UNC13C: variants seen among roughly 807,000 people sequenced by gnomAD.
UNC13C encodes the protein unc-13 homolog C, also known as protein unc-13 homolog C.
UNC13C carries 174 observed loss-of-function variants against 245.4 expected under a neutral mutation model. The observed-to-expected ratio is 0.71, with a 90% CI of 0.63 to 0.80. The LOEUF (loss-of-function observed/expected upper bound fraction) is 0.80. Ranked by LOEUF, UNC13C falls within the 30% of genes least tolerant of loss-of-function variation. UNC13C has a pLI of 0.00. For synonymous variants in UNC13C, 992 were observed against 895.1 expected (o/e 1.11, Z -1.93); for missense variants, 2,829 against 2,602.9 (o/e 1.09, Z -1.89).
intron 4 of UNC13C, among the ~76,000 whole-genome samples, chr15:54,230,765 C>T (rs75648218): frequency 0.059 from 9,023 of 151,860 alleles, 471 homozygotes; most frequent in African/African-American, 0.13. Context: ...GGTCTCGCTA[C>T]AAAAAATAAG....
chr15:54,317,930 ACT>A (rs1383689201), intron 13 of UNC13C, among the ~76,000 whole-genome samples: 1 of 151,538 alleles, frequency 6.6e-6, no homozygotes, highest in Non-Finnish European at 1.5e-5. Context: ...CTACCTTTCA[ACT>A]CTCTACTTCT....
Position 54,606,636 on chromosome 15 carries a change from C to T in UNC13C, c.6107-15691C>T, listed in dbSNP as rs563815404. 3.9e-5 allele frequency among the ~76,000 whole-genome samples: 6 copies of T among 152,282 alleles called. No individual in the cohort carries two copies. In the South Asian group the frequency reaches 1.0e-3, roughly 26 times the overall value. ...TAAGTGCTTTACATTGTTCAATCCT[C>T]GTAGTACCATAAAAGGAAAAAACTA... On this transcript the variant is annotated intron_variant, in intron 30 of 32. Coordinates refer to ENST00000260323, the MANE Select transcript of UNC13C (RefSeq NM_001080534.3).
chr15:54,432,273 G>C (rs139600510), intron 19 of UNC13C, among the ~76,000 whole-genome samples: 1 of 151,672 alleles, frequency 6.6e-6, no homozygotes, highest in African/African-American at 2.4e-5. Context: ...ATACCTGTTA[G>C]AAAAAATGAG....
chr15:54,229,309 A>G (rs2035483315), intron 4 of UNC13C, among the ~76,000 whole-genome samples: 2 of 152,140 alleles, frequency 1.3e-5, no homozygotes, highest in South Asian at 4.1e-4. Context: ...TGAAGTTAAA[A>G]CCAAGTATTA....
At chr15:53,842,900 T>TTATATATA in the UNC13C span, among the ~76,000 whole-genome samples, 58 of 145,940 alleles carry the variant, frequency 4.0e-4, no homozygotes, top group African/African-American at 1.3e-3. Context: ...ATTTTAAGTT[T>TTATATATA]TATATATATA....
intron 30 of UNC13C, among the ~76,000 whole-genome samples, chr15:54,605,386 C>T (rs1899712676): frequency 6.6e-6 from 1 of 152,158 alleles, no homozygotes; most frequent in Non-Finnish European, 1.5e-5. Context: ...CCTATCATAG[C>T]ACAGATGCCA....
At chr15:54,149,156 T>C (rs933737453) in intron 4 of UNC13C, among the ~76,000 whole-genome samples, 1 of 152,202 alleles carries the variant, frequency 6.6e-6, no homozygotes, top group Non-Finnish European at 1.5e-5. Flanking sequence ...TCTTCCCCTT[T>C]GGCTTCTACC....
rs1048772389 is a variant in UNC13C at position 54,003,755 on chromosome 15, G to A, written c.-256-8893G>A. Among the ~76,000 whole-genome samples the A allele has an allele frequency of 3.3e-5, 5 of 152,302 alleles. No homozygotes were observed. The South Asian group carries it at 6.2e-4, about 19-fold the overall frequency. On this transcript the variant is annotated intron_variant, in intron 1 of 32. Transcript: ENST00000260323. ...AGGCCGGGCGCGGTGGCTTAAGCCTGTAATCCCAGCACTTTGGGAGGCCGA... is the reference window on the plus strand; with the variant it reads ...AGGCCGGGCGCGGTGGCTTAAGCCTATAATCCCAGCACTTTGGGAGGCCGA...
intron 2 of UNC13C, among the ~76,000 whole-genome samples, chr15:54,091,068 G>C (rs538219314): frequency 7.2e-6 from 1 of 138,562 alleles, no homozygotes; most frequent in Admixed American, 7.2e-5. Context: ...TGGGCGGGGT[G>C]GGGGGAGGGG....
intron 2 of UNC13C, among the ~76,000 whole-genome samples, chr15:54,073,900 A>G (rs569196263): frequency 6.6e-6 from 1 of 152,128 alleles, no homozygotes; most frequent in Non-Finnish European, 1.5e-5. Flanking sequence ...CCATTTGTCA[A>G]TTTTAGCTTT....
chr15:54,291,730 A>G (rs976569628), intron 10 of UNC13C, among the ~76,000 whole-genome samples: 1 of 152,012 alleles, frequency 6.6e-6, no homozygotes, highest in African/African-American at 2.4e-5. Flanking sequence ...AGTTAGGTAG[A>G]CATAGTAGTT....
the UNC13C span, among the ~76,000 whole-genome samples, chr15:53,857,698 A>G: frequency 2.0e-5 from 3 of 152,186 alleles, no homozygotes; most frequent in African/African-American, 7.2e-5. Flanking sequence ...GCTGCTGGCA[A>G]TGGCAGTCTG....
intron 30 of UNC13C, among the ~76,000 whole-genome samples, chr15:54,595,508 T>C (rs1453977882): frequency 6.6e-6 from 1 of 152,198 alleles, no homozygotes; most frequent in African/African-American, 2.4e-5. Flanking sequence ...TTGCAGTTCA[T>C]CTGGAGCTAA....
intron 6 of UNC13C, among the ~76,000 whole-genome samples, chr15:54,236,895 C>T (rs1030896082): frequency 6.6e-6 from 1 of 152,162 alleles, no homozygotes; most frequent in African/African-American, 2.4e-5. Flanking sequence ...AATGGGATAA[C>T]AGTTTTACTG....
intron 10 of UNC13C, among the ~76,000 whole-genome samples, chr15:54,271,396 T>G (rs1483474828): frequency 6.6e-6 from 1 of 152,340 alleles, no homozygotes; most frequent in Admixed American, 6.5e-5. Flanking sequence ...ACCTTCAATT[T>G]CACTTTCCTT....
intron 2 of UNC13C, among the ~76,000 whole-genome samples, chr15:54,053,524 T>C (rs1411660842): frequency 6.6e-6 from 1 of 152,220 alleles, no homozygotes; most frequent in African/African-American, 2.4e-5. Context: ...ATTAGATACA[T>C]ATATTTATGG....
intron 17 of UNC13C, among the ~76,000 whole-genome samples, chr15:54,352,825 A>G (rs1033969000): frequency 6.6e-6 from 1 of 152,096 alleles, no homozygotes; most frequent in African/African-American, 2.4e-5. Context: ...TTTTCCTTAA[A>G]TATGCTATAT....
At chr15:53,951,846 A>G in the UNC13C span, among the ~76,000 whole-genome samples, 1 of 152,176 alleles carries the variant, frequency 6.6e-6, no homozygotes, top group Non-Finnish European at 1.5e-5. Context: ...TTAAACTTAA[A>G]TTCATCTTAT....
At chr15:54,374,724 G>A (rs1178412246) in intron 17 of UNC13C, among the ~76,000 whole-genome samples, 2 of 152,222 alleles carry the variant, frequency 1.3e-5, no homozygotes, top group East Asian at 3.9e-4. Flanking sequence ...AACTTGGAAG[G>A]GGTGGGGGCT....
Sources: gnomAD v4.1 joint callset for allele counts (sites outside exome capture counted in the v4.1 genomes callset) on GRCh38, gnomAD v4.1.1 for gene constraint, MANE v1.5 for transcripts, NCBI Gene and HGNC (gene_info 2026-07-23, HGNC 2026-07-21) for gene names.